Variants in NAALADL2 observed in about 807,000 individuals in gnomAD.
The protein encoded by NAALADL2 is N-acetylated alpha-linked acidic dipeptidase like 2.
A neutral mutation model predicts 87.2 loss-of-function variants in NAALADL2; 76 were observed. That is an observed-to-expected ratio of 0.87 (90% CI 0.72 to 1.05). The LOEUF (loss-of-function observed/expected upper bound fraction) is 1.05, where lower values mean the gene tolerates loss of function less well. Ranked by LOEUF, NAALADL2 falls within the 50% of genes least tolerant of loss-of-function variation. The pLI is 0.00. For synonymous variants in NAALADL2, 354 were observed against 331.0 expected (o/e 1.07, Z -0.75); for missense variants, 1,089 against 945.8 (o/e 1.15, Z -1.99).
rs1751271801 is a variant in NAALADL2, at chr3:175,019,357, C to T, written c.44-77433C>T. Among the ~76,000 whole-genome samples, 4 of 151,936 alleles carry T rather than the reference C, an allele frequency of 2.6e-5. No individual in the cohort carries two copies. The South Asian group carries it at 8.3e-4, about 31-fold the overall frequency. ...ATATTTAAGTAAATAACTCTGTGTA[C>T]TAATTTTGTTTTAATTATTTTTATT... On this transcript the variant is annotated intron_variant, in intron 1 of 13. Transcript: ENST00000454872.
At chr3:174,817,642 A>C (rs755093199) in intron 3 of NAALADL2, among the ~76,000 whole-genome samples, 6 of 152,160 alleles carry the variant, frequency 3.9e-5, no homozygotes, top group Non-Finnish European at 8.8e-5. Context: ...AAGCTCTTTA[A>C]AATAAAAATT....
intron 2 of NAALADL2, among the ~76,000 whole-genome samples, chr3:175,226,158 C>T (rs1237744739): frequency 6.6e-6 from 1 of 152,028 alleles, no homozygotes. Flanking sequence ...CAGATATGTA[C>T]CATATTTTCG....
intron 3 of NAALADL2, among the ~76,000 whole-genome samples, chr3:174,840,108 C>T (rs1462735289): frequency 6.6e-6 from 1 of 151,248 alleles, no homozygotes; most frequent in Non-Finnish European, 1.5e-5. Flanking sequence ...ACCCAAATGC[C>T]CATCAATCAA....
chr3:175,372,037 T>TA (rs925155809), intron 5 of NAALADL2, among the ~76,000 whole-genome samples: 5 of 152,090 alleles, frequency 3.3e-5, no homozygotes, highest in Admixed American at 2.0e-4. Context: ...ATAATTACTC[T>TA]AAAAAAAGTC....
intron 3 of NAALADL2, among the ~76,000 whole-genome samples, chr3:175,253,035 G>A (rs926095968): frequency 2.0e-5 from 3 of 152,176 alleles, no homozygotes; most frequent in African/African-American, 4.8e-5. Flanking sequence ...AAGCCACAGA[G>A]AGTTATCTGT....
At chr3:174,956,020 G>A (rs73047089) in intron 1 of NAALADL2, among the ~76,000 whole-genome samples, 11,938 of 152,112 alleles carry the variant, frequency 0.078, 769 homozygotes, top group East Asian at 0.36. Flanking sequence ...GTTTCTTGGA[G>A]ATTATTGCCC....
In NAALADL2 at chr3:175,139,820, C is replaced by T. The variant is rs115823265; in HGVS notation, c.545+42529C>T. Among the ~76,000 whole-genome samples the T allele has an allele frequency of 6.0e-3, 910 of 152,226 alleles. 11 individuals are homozygous for T. The highest frequency in any genetic ancestry group is 0.021 in the African/African-American group (879 of 41,542). On this transcript the variant is annotated intron_variant, in intron 2 of 13. Transcript: ENST00000454872. ...ATGCATTGCAAATTAGTTTCATGCT[C>T]TTTGTAGCTGGGTCAAAAGCAAAAC...
chr3:175,441,307 T>G (rs1328618820), intron 5 of NAALADL2, among the ~76,000 whole-genome samples: 2 of 152,152 alleles, frequency 1.3e-5, no homozygotes, highest in Non-Finnish European at 2.9e-5. Context: ...GTATTATAAG[T>G]AATTTAGAAA....
At chr3:175,672,319 G>A (rs1454852769) in intron 11 of NAALADL2, among the ~76,000 whole-genome samples, 1 of 152,070 alleles carries the variant, frequency 6.6e-6, no homozygotes, top group Non-Finnish European at 1.5e-5. Flanking sequence ...CATAAATACC[G>A]ATTCTGCCTT....
At chr3:175,730,727 T>A (rs1743630879) in intron 11 of NAALADL2, among the ~76,000 whole-genome samples, 1 of 151,972 alleles carries the variant, frequency 6.6e-6, no homozygotes, top group South Asian at 2.1e-4. Flanking sequence ...TTTATATTTT[T>A]AAAATATTTT....
chr3:175,055,849 C>A (rs1000896533), intron 1 of NAALADL2, among the ~76,000 whole-genome samples: 1 of 152,178 alleles, frequency 6.6e-6, no homozygotes, highest in African/African-American at 2.4e-5. Flanking sequence ...ATTGCCTGTG[C>A]CAACAAAGTA....
At chr3:175,012,969 A>G (rs971164662) in intron 1 of NAALADL2, among the ~76,000 whole-genome samples, 1 of 138,804 alleles carries the variant, frequency 7.2e-6, no homozygotes, top group African/African-American at 2.8e-5. Flanking sequence ...ATGTGTGTGT[A>G]TATATATATA....
chr3:175,460,713 G>A (rs1221110111), intron 6 of NAALADL2, among the ~76,000 whole-genome samples: 5 of 152,150 alleles, frequency 3.3e-5, no homozygotes, highest in Admixed American at 2.0e-4. Context: ...AAGCAAAAGA[G>A]TTGGTACTCT....
chr3:174,895,416 T>C (rs937236930), intron 1 of NAALADL2, among the ~76,000 whole-genome samples: 1 of 152,002 alleles, frequency 6.6e-6, no homozygotes, highest in Non-Finnish European at 1.5e-5. Flanking sequence ...CGCCAATAAA[T>C]TGGAAAATCT....
intron 2 of NAALADL2, among the ~76,000 whole-genome samples, chr3:175,121,509 T>A (rs1726155679): frequency 6.6e-6 from 1 of 151,834 alleles, no homozygotes; most frequent in South Asian, 2.1e-4. Flanking sequence ...GTTGCAGCTG[T>A]TACCTGAGGG....
At chr3:174,552,037 T>A (rs1185606602) in intron 2 of NAALADL2, among the ~76,000 whole-genome samples, 1 of 152,202 alleles carries the variant, frequency 6.6e-6, no homozygotes, top group Non-Finnish European at 1.5e-5. Context: ...TTTTGAAGAT[T>A]CATAAAAATA....
intron 8 of NAALADL2, 96 bp from the exon 9 acceptor site, chr3:175,471,543 G>A: frequency 4.5e-6 from 3 of 670,938 alleles, no homozygotes; most frequent in Non-Finnish European, 7.6e-6. Flanking sequence ...ATAATTTTAA[G>A]TATGAAATGA....
At chr3:175,443,056 CTCT>C (rs1356490184) in intron 5 of NAALADL2, among the ~76,000 whole-genome samples, 3 of 152,180 alleles carry the variant, frequency 2.0e-5, no homozygotes, top group African/African-American at 7.2e-5. Context: ...CTTCTCTCAG[CTCT>C]TCTTCAATAG....
rs566713166 is a variant in NAALADL2, at chr3:175,699,730, C to T, written c.1897-37576C>T. Reference sequence around the variant, plus strand: ...ACAAATCAGTATATTTATTGAGTGCCACTGAGTGACAATTAGAAAGATATT... The same window carrying T: ...ACAAATCAGTATATTTATTGAGTGCTACTGAGTGACAATTAGAAAGATATT... On this transcript the variant is annotated intron_variant, in intron 11 of 13. Coordinates refer to ENST00000454872, the MANE Select transcript of NAALADL2 (RefSeq NM_207015.3). 3.4e-3 allele frequency among the ~76,000 whole-genome samples: 511 copies of T among 151,280 alleles called. 5 individuals are homozygous for T. The highest frequency in any genetic ancestry group is 0.012 in the African/African-American group (499 of 40,696).
Sources: allele counts gnomAD v4.1 joint callset (sites outside exome capture counted in the v4.1 genomes callset), GRCh38; gene constraint gnomAD v4.1.1; transcripts MANE v1.5; gene names NCBI Gene and HGNC (gene_info 2026-07-23, HGNC 2026-07-21).